The following PRKACB variants were observed in gnomAD, a reference collection of about 807,000 sequenced individuals.
The protein encoded by PRKACB is cAMP-dependent protein kinase catalytic subunit beta.
PRKACB carries 16 observed loss-of-function variants against 51.4 expected under a neutral mutation model. The observed-to-expected ratio is 0.31, with a 90% CI of 0.21 to 0.47. The LOEUF (loss-of-function observed/expected upper bound fraction) is 0.47. PRKACB is among the 20% of genes least tolerant of loss of function. The pLI is 1.00. For missense variants in PRKACB, 309 were observed against 464.5 expected (o/e 0.67, Z 3.08); for synonymous variants, 147 against 154.4 (o/e 0.95, Z 0.35).
chr1:84,193,364 C>T (rs1340896112), intron 5 of PRKACB, among the ~76,000 whole-genome samples: 1 of 152,134 alleles, frequency 6.6e-6, no homozygotes, highest in East Asian at 1.9e-4. Flanking sequence ...GATCCCACTT[C>T]TGACACCAAG....
At chr1:84,201,672 A>G (rs1436521297) in intron 7 of PRKACB, among the ~76,000 whole-genome samples, 2 of 152,114 alleles carry the variant, frequency 1.3e-5, no homozygotes, top group Non-Finnish European at 2.9e-5. Flanking sequence ...TTGTAAAGCT[A>G]AAATTTTGAC....
intron 1 of PRKACB, among the ~76,000 whole-genome samples, chr1:84,081,017 A>G (rs565023730): frequency 9.2e-5 from 14 of 152,326 alleles, no homozygotes; most frequent in African/African-American, 2.9e-4. Context: ...GAAAGGCAAA[A>G]ATACAAGTGC....
chr1:84,096,495 C>T (rs1311731299), intron 1 of PRKACB, among the ~76,000 whole-genome samples: 2 of 152,034 alleles, frequency 1.3e-5, no homozygotes, highest in African/African-American at 4.8e-5. Flanking sequence ...ATATTTGAGC[C>T]TTAGCTTTTT....
chr1:84,158,796 T>C (rs1175736152), intron 1 of PRKACB, among the ~76,000 whole-genome samples: 1 of 152,142 alleles, frequency 6.6e-6, no homozygotes, highest in Non-Finnish European at 1.5e-5. Context: ...AAGTCTATTT[T>C]TTGAGTTAAT....
chr1:84,106,375 A>T (rs1228791645), intron 1 of PRKACB, among the ~76,000 whole-genome samples: 1 of 152,210 alleles, frequency 6.6e-6, no homozygotes, highest in African/African-American at 2.4e-5. Flanking sequence ...GTCTGCCCAG[A>T]AGCTCCCTGA....
At chr1:84,171,192 TAA>T (rs1311461929) in intron 1 of PRKACB, among the ~76,000 whole-genome samples, 1 of 151,598 alleles carries the variant, frequency 6.6e-6, no homozygotes, top group African/African-American at 2.4e-5. Flanking sequence ...GATATAGAGT[TAA>T]ATTTTAAGTG....
intron 9 of PRKACB, among the ~76,000 whole-genome samples, chr1:84,223,779 CTTCT>C (rs1215966056): frequency 2.0e-5 from 3 of 152,142 alleles, no homozygotes; most frequent in Non-Finnish European, 4.4e-5. Flanking sequence ...TCTCACTGAG[CTTCT>C]TTAATATCAT....
chr1:84,078,283 C>A (rs754148685), exon 1 of PRKACB: 1 of 1,567,936 alleles, frequency 6.4e-7, no homozygotes, highest in Non-Finnish European at 8.7e-7. Flanking sequence ...ACGGCCCCAG[C>A]CCCCCTTCCC....
rs755081600 is a variant in PRKACB, at chr1:84,182,233, A to G, written c.283A>G (p.Lys95Glu). 1.3e-6 allele frequency: 2 copies of G among 1,591,438 alleles called. No individual in the cohort carries two copies. The highest frequency in any genetic ancestry group is 1.7e-5 in the Admixed American group (1 of 58,670). Residue 95 changes from lysine to glutamate, a missense_variant, in exon 3 of 10, where the codon AAA (lysine) becomes GAA (glutamate). By Grantham distance (56) the Lys-to-Glu change is moderately conservative. This residue lies in a region of PRKACB where 153 missense variants were observed against 190.2 expected (regional missense o/e 0.80). Coordinates refer to ENST00000370685, the MANE Select transcript of PRKACB (RefSeq NM_182948.4). ...NAGLEDFERK[K>E]TLGTGSFGRV... Reference sequence around the variant, plus strand: ...CGGACTTGAAGATTTTGAAAGGAAAAAAACCCTTGGAACAGGTTCATTTGG... The same window carrying G: ...CGGACTTGAAGATTTTGAAAGGAAAGAAACCCTTGGAACAGGTTCATTTGG...
chr1:84,216,603 T>C (rs921040685), intron 9 of PRKACB, among the ~76,000 whole-genome samples: 1 of 152,176 alleles, frequency 6.6e-6, no homozygotes, highest in African/African-American at 2.4e-5. Flanking sequence ...ATTTTTTATA[T>C]TTTTTCTAAA....
intron 1 of PRKACB, chr1:84,175,694 GT>G (rs1270369739): frequency 2.9e-6 from 3 of 1,022,848 alleles, no homozygotes; most frequent in African/African-American, 3.3e-5. Flanking sequence ...AGTAAGTTGT[GT>G]TTTTATGAAC....
intron 1 of PRKACB, chr1:84,165,142 G>T: frequency 1.4e-6 from 1 of 723,186 alleles, no homozygotes; most frequent in Non-Finnish European, 2.1e-6. Flanking sequence ...TGACGCTTTT[G>T]TACTTAGGCA....
chr1:84,185,160 C>A lies in PRKACB; in HGVS notation c.538C>A (p.Leu180Ile). The A allele has an allele frequency of 6.6e-7, 1 of 1,510,744 alleles. No individual in the cohort carries two copies. Among genetic ancestry groups the A allele is most frequent in the Non-Finnish European group, 8.8e-7 (1 of 1,133,836 alleles). 93.6% of individuals were successfully genotyped at this position (1,510,744 alleles called of 1,614,324 possible). A position where few individuals can be genotyped will look rare whatever the true frequency, so the allele number is the denominator to read the frequency against. Residue 180 changes from leucine (L) to isoleucine (I), a missense_variant, in exon 5 of 10, where the codon CTA becomes ATA. By Grantham distance (5) the Leu-to-Ile change is conservative. Coordinates refer to ENST00000370685, the MANE Select transcript of PRKACB (RefSeq NM_182948.4). ...CCCTGGGGGTGAAATGTTTTCACATCTAAGAAGAATTGGAAGGTTCAGGTA... is the reference window on the plus strand; with the variant it reads ...CCCTGGGGGTGAAATGTTTTCACATATAAGAAGAATTGGAAGGTTCAGGTA... Reference protein sequence around the residue: ...YVPGGEMFSHLRRIGRFSEPH... With the variant: ...YVPGGEMFSHIRRIGRFSEPH...
At chr1:84,116,343 A>G (rs559899004) in intron 1 of PRKACB, among the ~76,000 whole-genome samples, 7 of 152,268 alleles carry the variant, frequency 4.6e-5, no homozygotes, top group Admixed American at 4.6e-4. Flanking sequence ...TTTAGGTTGC[A>G]CATGAATTTT....
chr1:84,085,457 CTG>C, intron 1 of PRKACB, among the ~76,000 whole-genome samples: 1 of 152,148 alleles, frequency 6.6e-6, no homozygotes, highest in East Asian at 1.9e-4. Flanking sequence ...GATAATGACA[CTG>C]TGATCTCTTC....
At chr1:84,088,591 C>T (rs146576611) in intron 1 of PRKACB, among the ~76,000 whole-genome samples, 3 of 152,280 alleles carry the variant, frequency 2.0e-5, no homozygotes, top group Non-Finnish European at 4.4e-5. Context: ...TCAATCTTAG[C>T]TCAGCTCCCT....
At chr1:84,101,795 T>A (rs111587469) in intron 1 of PRKACB, among the ~76,000 whole-genome samples, 2 of 152,098 alleles carry the variant, frequency 1.3e-5, no homozygotes, top group African/African-American at 4.8e-5. Context: ...TAGTGCCAAA[T>A]TGTAACAGGA....
intron 1 of PRKACB, among the ~76,000 whole-genome samples, chr1:84,175,491 T>A (rs1660925634): frequency 6.6e-6 from 1 of 151,770 alleles, no homozygotes; most frequent in Non-Finnish European, 1.5e-5. Flanking sequence ...GTCAAAAATA[T>A]CTAATAAATA....
At chr1:84,148,156 A>G (rs1654369750) in intron 1 of PRKACB, among the ~76,000 whole-genome samples, 1 of 152,146 alleles carries the variant, frequency 6.6e-6, no homozygotes, top group South Asian at 2.1e-4. Flanking sequence ...TGCTTGTTCA[A>G]GTTGCTGCTT....
Sources: allele counts gnomAD v4.1 joint callset (sites outside exome capture counted in the v4.1 genomes callset), GRCh38; gene constraint gnomAD v4.1.1; regional missense constraint gnomAD v4.1.1; transcripts MANE v1.5; gene names NCBI Gene and HGNC (gene_info 2026-07-23, HGNC 2026-07-21).